Variants in MPHOSPH8 observed in about 807,000 individuals in gnomAD.
The protein encoded by MPHOSPH8 is M-phase phosphoprotein, mpp.
Under a neutral mutation model 87.3 loss-of-function variants are expected in MPHOSPH8, and 45 were observed. The observed-to-expected ratio is 0.52, with a 90% CI of 0.41 to 0.66. MPHOSPH8 has a LOEUF of 0.66. Ranked by LOEUF, MPHOSPH8 falls within the 30% of genes least tolerant of loss-of-function variation. The pLI is 0.00. For synonymous variants in MPHOSPH8, 366 were observed against 376.9 expected (o/e 0.97, Z 0.33); for missense variants, 883 against 1,020.2 (o/e 0.87, Z 1.83).
intron 5 of MPHOSPH8, among the ~76,000 whole-genome samples, chr13:19,652,603 G>C (rs1327301815): frequency 6.6e-6 from 1 of 152,124 alleles, no homozygotes; most frequent in Non-Finnish European, 1.5e-5. Flanking sequence ...CTCTGGAAAG[G>C]GGGCTGAAGC....
chr13:19,670,006 G>A (rs1223905499), intron 11 of MPHOSPH8, among the ~76,000 whole-genome samples: 1 of 152,164 alleles, frequency 6.6e-6, no homozygotes, highest in Non-Finnish European at 1.5e-5. Flanking sequence ...TCTTTTCCAG[G>A]AACTGTCAGC....
intron 5 of MPHOSPH8, among the ~76,000 whole-genome samples, chr13:19,658,544 G>C (rs1350037893): frequency 6.6e-6 from 1 of 152,294 alleles, no homozygotes; most frequent in East Asian, 1.9e-4. Context: ...AGTCTGGAAG[G>C]ATCCATAAGC....
At chr13:19,650,404 T>G (rs1361239548) in intron 5 of MPHOSPH8, 144 bp downstream of exon 5, 1 of 952,466 alleles carries the variant, frequency 1.0e-6, no homozygotes, top group Non-Finnish European at 1.5e-6. Context: ...AATAACATTT[T>G]ATATTGAAGA....
In MPHOSPH8 at chr13:19,659,230, G is replaced by A; in HGVS notation, c.1732G>A (p.Asp578Asn). 6.2e-7 allele frequency: 1 copy of A among 1,612,798 alleles called. No individual in the cohort carries two copies. Among genetic ancestry groups the A allele is most frequent in the Non-Finnish European group, 8.5e-7 (1 of 1,179,566 alleles). ...NVLRDAVKNG[D>N]YITVKVALNS... ...GTTAAGGGATGCTGTGAAAAATGGG[G>A]ATTATATTACTGTAAAAGTTGCACT... is the stretch of plus-strand genomic sequence containing the variant. Residue 578 changes from aspartate to asparagine, a missense_variant, in exon 7 of 14, where the codon GAT (aspartate) becomes AAT (asparagine). Physicochemically the swap from Asp to Asn is conservative, Grantham distance 23 (BLOSUM62 1). Around this residue, in one of 3 missense-constraint regions of MPHOSPH8, gnomAD observed 741 missense variants for 841.5 expected, o/e 0.88. Coordinates refer to ENST00000361479, the MANE Select transcript of MPHOSPH8 (RefSeq NM_017520.4).
rs770443074 is a variant in MPHOSPH8, at chr13:19,670,371, A to G, written c.2457+8A>G. 4 of 1,613,234 alleles carry G rather than the reference A, an allele frequency of 2.5e-6. No homozygotes were observed. The highest frequency in any genetic ancestry group is 2.5e-6 in the Non-Finnish European group (3 of 1,179,324). On this transcript the variant is annotated splice_region_variant and intron_variant, in intron 12 of 13. Transcript: ENST00000361479. ...CAGCTTCCTGTTTTTCTGGTAAGAT[A>G]CTCTGTATTTCACTACTGAAAAGTA...
chr13:19,644,446 GTC>G (rs1207279342), intron 2 of MPHOSPH8, among the ~76,000 whole-genome samples: 2 of 152,188 alleles, frequency 1.3e-5, no homozygotes, highest in Admixed American at 1.3e-4. Flanking sequence ...ACATACTACA[GTC>G]TCTCTTATAA....
At chr13:19,639,366 A>G (rs932681476) in intron 1 of MPHOSPH8, among the ~76,000 whole-genome samples, 1 of 151,440 alleles carries the variant, frequency 6.6e-6, no homozygotes, top group African/African-American at 2.4e-5. Context: ...GCTGGAGTAC[A>G]ATGGTGTGAT....
At chr13:19,654,934 A>G (rs1875067807) in intron 5 of MPHOSPH8, among the ~76,000 whole-genome samples, 1 of 151,900 alleles carries the variant, frequency 6.6e-6, no homozygotes, top group Middle Eastern at 3.2e-3. Flanking sequence ...GGCAACAAGA[A>G]CGACACACCA....
At position 19,671,251 on chromosome 13, in the gene MPHOSPH8, A is replaced by G. The variant is rs758360328; in HGVS notation, c.2503A>G (p.Lys835Glu). ...YSFSPVAGPN[K>E]LFIRLTEAPS... The stretch of plus-strand genomic sequence containing the variant: ...ATTCAGCCCTGTTGCAGGTCCCAAT[A>G]AACTCTTCATAAGGTTGACAGAAGC... Residue 835 changes from lysine to glutamate, a missense_variant, in exon 13 of 14, where the codon AAA becomes GAA. Around this residue, in one of 3 missense-constraint regions of MPHOSPH8, gnomAD observed 741 missense variants for 841.5 expected, o/e 0.88. Coordinates refer to ENST00000361479, the MANE Select transcript of MPHOSPH8 (RefSeq NM_017520.4). 3.1e-6 allele frequency: 5 copies of G among 1,614,066 alleles called. No homozygotes were observed. Among genetic ancestry groups the G allele is most frequent in the Non-Finnish European group, 4.2e-6 (5 of 1,180,004 alleles).
Position 19,668,867 on chromosome 13 carries a change from G to T in MPHOSPH8, c.2329+336G>T, listed in dbSNP as rs200134653. On this transcript the variant is annotated intron_variant, in intron 11 of 13. Transcript: ENST00000361479. ...GTAATAGTCTTTGCCCTTTGAAAAA[G>T]AAAAAAATAGTCTTGCTCCATAGTA... Among the ~76,000 whole-genome samples the T allele has an allele frequency of 2.0e-5, 3 of 151,908 alleles. No individual in the cohort carries two copies. In the East Asian group the frequency reaches 5.8e-4, roughly 29 times the overall value.
rs551509793 is a variant in MPHOSPH8, at chr13:19,650,905, T to C, written c.1576+645T>C. Among the ~76,000 whole-genome samples, 4 of 152,242 alleles carry C rather than the reference T, an allele frequency of 2.6e-5. No individual in the cohort carries two copies. In the South Asian group the frequency reaches 8.3e-4, roughly 31 times the overall value. On this transcript the variant is annotated intron_variant, in intron 5 of 13. Transcript: ENST00000361479. ...ACTACAAAAATGACTATATCTTGGA[T>C]ACCGAGGGAAAATGTGCTTTTGGAT... is the stretch of plus-strand genomic sequence containing the variant.
chr13:19,649,193 A>G (rs4769837), intron 4 of MPHOSPH8, among the ~76,000 whole-genome samples: 108,032 of 151,878 alleles, frequency 0.71, 40,310 homozygotes, highest in East Asian at 0.89. Context: ...TCAAAGCAAA[A>G]CAAAAATCTT....
At chr13:19,662,992 C>CT (rs1593487710) in intron 8 of MPHOSPH8, 48 bp from the exon 9 acceptor site, 1 of 1,467,694 alleles carries the variant, frequency 6.8e-7, no homozygotes, top group East Asian at 2.3e-5. Flanking sequence ...TGAAAACTGT[C>CT]TTTTAAATAA....
intron 13 of MPHOSPH8, among the ~76,000 whole-genome samples, chr13:19,671,515 G>A (rs539930150): frequency 6.6e-6 from 1 of 152,192 alleles, no homozygotes; most frequent in Non-Finnish European, 1.5e-5. Context: ...TGCCTCTCTA[G>A]AGGATGGAGC....
At position 19,646,583 on chromosome 13, in the gene MPHOSPH8, G is replaced by C. The variant is rs972647951; in HGVS notation, c.510G>C (p.Lys170Asn). The C allele has an allele frequency of 6.3e-7, 1 of 1,583,036 alleles. No individual in the cohort carries two copies. The highest frequency in any genetic ancestry group is 1.2e-5 in the South Asian group (1 of 84,094). Residue 170 changes from lysine to asparagine, a missense_variant, in exon 3 of 14, where the codon AAG becomes AAC. Around this residue, in one of 3 missense-constraint regions of MPHOSPH8, gnomAD observed 741 missense variants for 841.5 expected, o/e 0.88. Coordinates refer to ENST00000361479, the MANE Select transcript of MPHOSPH8 (RefSeq NM_017520.4). Reference protein sequence around the residue: ...REEKSPDDLKKKKAKAGKLKD... With the variant: ...REEKSPDDLKNKKAKAGKLKD... ...AGAAAAGCCCAGATGATCTGAAAAA[G>C]AAAAAAGCAAAGGCCGGGAAGCTAA... is the stretch of plus-strand genomic sequence containing the variant.
chr13:19,646,327 A>C, intron 2 of MPHOSPH8, 116 bp from the exon 3 acceptor site: 1 of 887,806 alleles, frequency 1.1e-6, no homozygotes, highest in South Asian at 3.3e-5. Context: ...AGTTTTAAGA[A>C]GTTGAGATTC....
chr13:19,633,903 A>G lies in MPHOSPH8; in HGVS notation c.155A>G (p.Glu52Gly). 1.2e-6 allele frequency: 2 copies of G among 1,611,692 alleles called. No individual in the cohort carries two copies. Among genetic ancestry groups the G allele is most frequent in the Non-Finnish European group, 1.7e-6 (2 of 1,179,288 alleles). The part of the protein sequence containing the change: ...ARGAEAFGDS[E>G]EDGEDVFEVE... Reference sequence around the variant, plus strand: ...GGAGCGGAGGCCTTTGGCGACAGTGAGGAGGACGGAGAGGATGTGTTCGAG... The same window carrying G: ...GGAGCGGAGGCCTTTGGCGACAGTGGGGAGGACGGAGAGGATGTGTTCGAG... The change falls in exon 1 of 14, where the codon GAG (glutamate) becomes GGG (glycine). Residue 52 changes from glutamate (E) to glycine (G), a missense_variant. By Grantham distance (98) the Glu-to-Gly change is moderately conservative. This residue lies in a region of MPHOSPH8 where 103 missense variants were observed against 96.3 expected (regional missense o/e 1.07). Transcript: ENST00000361479.
At chr13:19,641,480 CTTTTTTTTTTTTTT>C (rs869295535) in intron 1 of MPHOSPH8, among the ~76,000 whole-genome samples, 1 of 72,258 alleles carries the variant, frequency 1.4e-5, no homozygotes, top group African/African-American at 7.9e-5. Flanking sequence ...GTGCCACCAT[CTTTTTTTTTTTTTT>C]TTTTTTTTTT....
chr13:19,650,053 G>GA lies in MPHOSPH8; in HGVS notation c.1376dup (p.Asn459LysfsTer2), dbSNP rs564117873. On this transcript the variant is annotated frameshift_variant, in exon 5 of 14. Transcript: ENST00000361479. LOFTEE classifies it high-confidence loss of function. The stretch of plus-strand genomic sequence containing the variant: ...TGATTTATTTAAATTAACTCCAGAA[G>GA]AAAAAAATGATGTTTCTGAGAATAA... 1 of 1,607,518 alleles carries GA rather than the reference G, an allele frequency of 6.2e-7. No homozygotes were observed. The highest frequency in any genetic ancestry group is 8.5e-7 in the Non-Finnish European group (1 of 1,177,214).
Sources: allele counts gnomAD v4.1 joint callset (sites outside exome capture counted in the v4.1 genomes callset), GRCh38; gene constraint gnomAD v4.1.1; regional missense constraint gnomAD v4.1.1; transcripts MANE v1.5; gene names NCBI Gene and HGNC (gene_info 2026-07-23, HGNC 2026-07-21).